Variants in MELK observed in about 807,000 individuals in gnomAD.
MELK encodes maternal embryonic leucine zipper kinase.
Under a neutral mutation model 85.0 loss-of-function variants are expected in MELK, and 81 were observed. The ratio of observed to expected loss-of-function variants is 0.95; its 90% CI spans 0.80 to 1.15. MELK has a LOEUF of 1.15. Ranked by LOEUF, MELK falls within the 50% of genes most tolerant of loss-of-function variation. The pLI is 0.00. For synonymous variants in MELK, 252 were observed against 265.0 expected, an observed-to-expected ratio of 0.95 and a Z score of 0.48; for missense variants, 754 against 777.5, an observed-to-expected ratio of 0.97 and a Z score of 0.36.
chr9:36,675,013 C>T (rs112990027), intron 17 of MELK, 76 bp downstream of exon 17: 33 of 1,020,456 alleles, frequency 3.2e-5, no homozygotes, highest in South Asian at 8.4e-5. Context: ...TGGTTGGGCG[C>T]GGTGGCTCAC....
At chr9:36,608,417 G>GTGTA (rs1554720899) in intron 8 of MELK, among the ~76,000 whole-genome samples, 6 of 147,984 alleles carry the variant, frequency 4.1e-5, no homozygotes, top group East Asian at 3.9e-4. Flanking sequence ...TCAAACTTGT[G>GTGTA]TATATATATA....
chr9:36,668,670 G>A (rs980981995), intron 14 of MELK, among the ~76,000 whole-genome samples: 5 of 152,016 alleles, frequency 3.3e-5, no homozygotes, highest in East Asian at 3.9e-4. Context: ...GCGCCACCAC[G>A]CCCAGCTAAT....
At chr9:36,618,121 T>A (rs1392627219) in intron 8 of MELK, among the ~76,000 whole-genome samples, 24 of 148,534 alleles carry the variant, frequency 1.6e-4, no homozygotes, top group Non-Finnish European at 3.1e-4. Flanking sequence ...AGACTCCATG[T>A]CTTTAAAAAA....
chr9:36,618,433 T>G (rs1827072541), intron 8 of MELK, among the ~76,000 whole-genome samples: 2 of 150,222 alleles, frequency 1.3e-5, no homozygotes, highest in South Asian at 4.2e-4. Context: ...AAAAAGAAAA[T>G]TGAATCATGA....
intron 11 of MELK, among the ~76,000 whole-genome samples, chr9:36,651,316 C>A (rs1039433892): frequency 5.9e-5 from 9 of 152,076 alleles, no homozygotes; most frequent in African/African-American, 1.9e-4. Flanking sequence ...TTTACATAAT[C>A]ATAATAATGC....
intron 13 of MELK, among the ~76,000 whole-genome samples, chr9:36,661,082 C>T: frequency 2.0e-5 from 3 of 152,272 alleles, no homozygotes; most frequent in Admixed American, 2.0e-4. Context: ...TGACAGTTTT[C>T]TGAGCATGAA....
intron 13 of MELK, among the ~76,000 whole-genome samples, chr9:36,657,571 A>G (rs1831376643): frequency 6.6e-6 from 1 of 152,190 alleles, no homozygotes; most frequent in East Asian, 1.9e-4. Flanking sequence ...AGAGCTCTTT[A>G]CTGCTCCTTT....
At chr9:36,579,563 T>C (rs565024028) in intron 1 of MELK, among the ~76,000 whole-genome samples, 1 of 152,372 alleles carries the variant, frequency 6.6e-6, no homozygotes, top group Non-Finnish European at 1.5e-5. Flanking sequence ...TTCTCCATTA[T>C]AGCCCTAGTG....
At chr9:36,633,975 T>G (rs1828879747) in intron 10 of MELK, among the ~76,000 whole-genome samples, 1 of 152,214 alleles carries the variant, frequency 6.6e-6, no homozygotes, top group African/African-American at 2.4e-5. Flanking sequence ...GGTAATTGCA[T>G]GTGGAATCTG....
intron 5 of MELK, among the ~76,000 whole-genome samples, 161 bp from the exon 6 acceptor site, chr9:36,597,061 C>T (rs924480724): frequency 6.6e-6 from 1 of 152,110 alleles, no homozygotes; most frequent in South Asian, 2.1e-4. Context: ...TGGTCTTGAA[C>T]ACCTGGGCTC....
At chr9:36,593,867 A>G (rs533084738) in intron 4 of MELK, among the ~76,000 whole-genome samples, 37 of 151,892 alleles carry the variant, frequency 2.4e-4, no homozygotes, top group Non-Finnish European at 5.0e-4. Context: ...AATTTTTTGT[A>G]TTTTTAGTAG....
intron 8 of MELK, among the ~76,000 whole-genome samples, chr9:36,621,403 T>C (rs984361853): frequency 7.0e-6 from 1 of 143,106 alleles, no homozygotes; most frequent in African/African-American, 2.9e-5. Flanking sequence ...ACTAAGATTT[T>C]GTAGACTTAC....
chr9:36,628,275 C>G (rs1292968234), intron 8 of MELK, among the ~76,000 whole-genome samples: 1 of 152,198 alleles, frequency 6.6e-6, no homozygotes, highest in Non-Finnish European at 1.5e-5. Context: ...AACCTGAAGG[C>G]TCACTGCTGC....
At chr9:36,670,243 A>G (rs1791082884) in intron 15 of MELK, among the ~76,000 whole-genome samples, 5 of 152,268 alleles carry the variant, frequency 3.3e-5, no homozygotes, top group African/African-American at 1.2e-4. Flanking sequence ...CCTTAATTTT[A>G]TTTAACATTT....
At chr9:36,588,038 A>G (rs537279083) in intron 3 of MELK, among the ~76,000 whole-genome samples, 28 of 151,272 alleles carry the variant, frequency 1.9e-4, no homozygotes, top group African/African-American at 6.6e-4. Context: ...AAGTGCTGCA[A>G]TTACAGGTGT....
chr9:36,643,714 C>G (rs914590181), intron 11 of MELK, among the ~76,000 whole-genome samples: 1 of 152,042 alleles, frequency 6.6e-6, no homozygotes, highest in Admixed American at 6.6e-5. Flanking sequence ...GTGGGCGGAT[C>G]ACGAGGTCAG....
At chr9:36,650,032 C>G (rs1170099733) in intron 11 of MELK, among the ~76,000 whole-genome samples, 1 of 151,988 alleles carries the variant, frequency 6.6e-6, no homozygotes, top group Non-Finnish European at 1.5e-5. Context: ...CAAGCTCTGT[C>G]TCCCAGATTC....
chr9:36,620,360 C>A (rs1325322235), intron 8 of MELK, among the ~76,000 whole-genome samples: 1 of 152,152 alleles, frequency 6.6e-6, no homozygotes, highest in African/African-American at 2.4e-5. Context: ...TGTGCATAGG[C>A]TTTCCCACGC....
rs74181196 is a variant in MELK, at chr9:36,621,275, GAAAAAAAAA to G, written c.667-8990_667-8982del. Among the ~76,000 whole-genome samples, 200 of 32,320 alleles carry G rather than the reference GAAAAAAAAA, an allele frequency of 6.2e-3. 1 individual carries two copies. Among genetic ancestry groups the G allele is most frequent in the African/African-American group, 6.5e-3 (102 of 15,630 alleles). The allele number at this position is 32,320 out of a possible 152,430, so 21.2% of individuals were successfully genotyped here. ...TGACAGAGTGAGACTCTGTCTCAGG[GAAAAAAAAA>G]AAAAAAAAAAAAAAAAAAAAAAAAA... On this transcript the variant is annotated intron_variant, in intron 8 of 17. Transcript: ENST00000298048.
Sources: allele counts gnomAD v4.1 joint callset (sites outside exome capture counted in the v4.1 genomes callset), GRCh38; gene constraint gnomAD v4.1.1; transcripts MANE v1.5; gene names NCBI Gene and HGNC (gene_info 2026-07-23, HGNC 2026-07-21).